Variants in SLC2A13 observed in about 807,000 individuals in gnomAD.
SLC2A13 encodes the protein proton myo-inositol cotransporter.
Under a neutral mutation model 64.4 loss-of-function variants are expected in SLC2A13, and 32 were observed. The ratio of observed to expected loss-of-function variants is 0.50; its 90% CI spans 0.37 to 0.67. SLC2A13 has a LOEUF of 0.67. Among genes scored for constraint, SLC2A13 ranks in the 30% least tolerant of loss-of-function variants. The pLI is 0.00. For missense variants in SLC2A13, 743 were observed against 829.2 expected (o/e 0.90, Z 1.28); for synonymous variants, 338 against 327.1 (o/e 1.03, Z -0.36).
rs759654520 is a variant in SLC2A13, at chr12:39,759,986, C to G, written c.*40G>C. The G allele has an allele frequency of 4.0e-6, 6 of 1,511,158 alleles. No individual in the cohort carries two copies. The highest frequency in any genetic ancestry group is 1.1e-5 in the South Asian group (1 of 87,588). 93.6% of individuals were successfully genotyped at this position (1,511,158 alleles called of 1,614,324 possible). A position where few individuals can be genotyped will look rare whatever the true frequency, so the allele number is the denominator to read the frequency against. ...GTCACCAATTGCTGTTCTTCTCCCC[C>G]CAGTTTGTTTAAATAACTAAATATA... On this transcript the variant is annotated 3_prime_UTR_variant, in exon 10 of 10. Coordinates refer to ENST00000280871, the MANE Select transcript of SLC2A13 (RefSeq NM_052885.4).
intron 4 of SLC2A13, among the ~76,000 whole-genome samples, chr12:39,890,046 G>A (rs1354658652): frequency 6.6e-6 from 1 of 151,952 alleles, no homozygotes; most frequent in Non-Finnish European, 1.5e-5. Flanking sequence ...ACTACATTGG[G>A]TAGAAACCCG....
At chr12:39,866,637 G>A (rs957501720) in intron 5 of SLC2A13, among the ~76,000 whole-genome samples, 1 of 151,970 alleles carries the variant, frequency 6.6e-6, no homozygotes, top group African/African-American at 2.4e-5. Flanking sequence ...CCGCCACCTC[G>A]CCCGGCTAAT....
chr12:39,809,332 A>C (rs1045315046), intron 7 of SLC2A13, among the ~76,000 whole-genome samples: 11 of 152,172 alleles, frequency 7.2e-5, no homozygotes, highest in Admixed American at 1.3e-4. Context: ...AAGTCTTGAA[A>C]TCAGATAGGG....
intron 3 of SLC2A13, among the ~76,000 whole-genome samples, chr12:40,027,223 T>C (rs1947827556): frequency 6.6e-6 from 1 of 152,222 alleles, no homozygotes; most frequent in Non-Finnish European, 1.5e-5. Context: ...AGTAAAACTT[T>C]TTGTTAAAGC....
chr12:40,040,217 T>C (rs17518036), intron 2 of SLC2A13, among the ~76,000 whole-genome samples: 2,864 of 152,338 alleles, frequency 0.019, 98 homozygotes, highest in African/African-American at 0.065. Flanking sequence ...TACTAGCTCA[T>C]TTGATCCCGT....
At chr12:39,971,572 G>A (rs1428180335) in intron 3 of SLC2A13, among the ~76,000 whole-genome samples, 3 of 152,110 alleles carry the variant, frequency 2.0e-5, no homozygotes, top group Non-Finnish European at 4.4e-5. Context: ...TTATGACAGG[G>A]AGTAAATTCA....
chr12:39,818,042 A>G (rs4598727), intron 7 of SLC2A13, among the ~76,000 whole-genome samples: 1 of 152,002 alleles, frequency 6.6e-6, no homozygotes, highest in Non-Finnish European at 1.5e-5. Flanking sequence ...CAGCTCTTTA[A>G]CTTCTACAGA....
intron 1 of SLC2A13, among the ~76,000 whole-genome samples, chr12:40,060,102 T>A (rs1433514802): frequency 1.3e-5 from 2 of 151,812 alleles, no homozygotes; most frequent in East Asian, 3.9e-4. Flanking sequence ...GATGCATGGA[T>A]GGATGGATGG....
chr12:39,880,222 T>C (rs549497698), intron 4 of SLC2A13, among the ~76,000 whole-genome samples: 29 of 152,328 alleles, frequency 1.9e-4, no homozygotes, highest in African/African-American at 7.0e-4. Context: ...TCTTTGTAAA[T>C]TACTCAGTCT....
intron 4 of SLC2A13, among the ~76,000 whole-genome samples, chr12:39,937,958 T>G (rs992850370): frequency 6.6e-6 from 1 of 152,200 alleles, no homozygotes; most frequent in Non-Finnish European, 1.5e-5. Context: ...ACCATCATGA[T>G]TCTTTCCTGA....
At chr12:39,894,092 C>T (rs760375319) in intron 4 of SLC2A13, among the ~76,000 whole-genome samples, 1 of 152,130 alleles carries the variant, frequency 6.6e-6, no homozygotes, top group Non-Finnish European at 1.5e-5. Context: ...TTTTTGCAAA[C>T]ATTTAGTAAA....
chr12:40,048,036 A>G lies in SLC2A13; in HGVS notation c.716+15T>C. The G allele has an allele frequency of 6.4e-7, 1 of 1,569,518 alleles. No individual in the cohort carries two copies. Among genetic ancestry groups the G allele is most frequent in the Non-Finnish European group, 8.6e-7 (1 of 1,164,782 alleles). ...TCAAGATTTGAAAAATTAAATGTAA[A>G]AAGTATTTACAAACCTCCATCCATC... On this transcript the variant is annotated intron_variant, in intron 2 of 9. Coordinates refer to ENST00000280871, the MANE Select transcript of SLC2A13 (RefSeq NM_052885.4).
At chr12:40,079,711 A>G (rs1018756281) in intron 1 of SLC2A13, among the ~76,000 whole-genome samples, 1 of 152,170 alleles carries the variant, frequency 6.6e-6, no homozygotes, top group African/African-American at 2.4e-5. Context: ...GAAGTCTCCC[A>G]TTATTATTGT....
chr12:40,106,051 G>A lies in SLC2A13; in HGVS notation c.-243C>T, dbSNP rs1939302509. ...GGGTCTCACTCCACACTCACGCCCC[G>A]CGCCTGCCGAGCTGGCGCTGCGGAG... is the stretch of plus-strand genomic sequence containing the variant. On this transcript the variant is annotated 5_prime_UTR_variant, in exon 1 of 10. Coordinates refer to ENST00000280871, the MANE Select transcript of SLC2A13 (RefSeq NM_052885.4). 1 of 371,938 alleles carries A rather than the reference G, an allele frequency of 2.7e-6. No homozygotes were observed. Among genetic ancestry groups the A allele is most frequent in the Non-Finnish European group, 4.6e-6 (1 of 215,620 alleles). The allele number at this position is 371,938 out of a possible 1,614,324, so 23.0% of individuals were successfully genotyped here.
At chr12:40,041,346 C>T (rs1948086509) in intron 2 of SLC2A13, among the ~76,000 whole-genome samples, 1 of 152,178 alleles carries the variant, frequency 6.6e-6, no homozygotes, top group Admixed American at 6.5e-5. Flanking sequence ...CTTGTCCAAG[C>T]ATGACTGGTT....
intron 2 of SLC2A13, among the ~76,000 whole-genome samples, chr12:40,047,594 A>G (rs1170111582): frequency 4.6e-5 from 7 of 152,162 alleles, no homozygotes; most frequent in Admixed American, 1.3e-4. Context: ...TATACTTTAA[A>G]CTCATGTATA....
chr12:39,960,446 TCTC>T (rs1946388843), intron 3 of SLC2A13, among the ~76,000 whole-genome samples: 1 of 152,218 alleles, frequency 6.6e-6, no homozygotes, highest in Non-Finnish European at 1.5e-5. Flanking sequence ...AGCAGCGTGA[TCTC>T]AGCTCACTGC....
At chr12:40,043,088 G>A (rs184617835) in intron 2 of SLC2A13, among the ~76,000 whole-genome samples, 16 of 152,084 alleles carry the variant, frequency 1.1e-4, no homozygotes, top group Admixed American at 3.3e-4. Context: ...GCATGGATTG[G>A]GTACTACAAG....
chr12:39,949,971 T>C (rs1488933685), intron 4 of SLC2A13: 4 of 152,068 alleles, frequency 2.6e-5, no homozygotes, highest in African/African-American at 9.7e-5. Flanking sequence ...TGGGCCTTAA[T>C]AGAGCTGGTA....
Sources: gnomAD v4.1 joint callset for allele counts (sites outside exome capture counted in the v4.1 genomes callset) on GRCh38, gnomAD v4.1.1 for gene constraint, MANE v1.5 for transcripts, NCBI Gene and HGNC (gene_info 2026-07-23, HGNC 2026-07-21) for gene names.